The following QRSL1 variants were observed in gnomAD, a reference collection of about 807,000 sequenced individuals.
QRSL1 encodes the protein glutamyl-tRNA(Gln) amidotransferase subunit A, mitochondrial.
A neutral mutation model predicts 61.6 loss-of-function variants in QRSL1; 54 were observed. The observed-to-expected ratio is 0.88, with a 90% CI of 0.70 to 1.10. QRSL1 has a LOEUF of 1.10. Among genes scored for constraint, QRSL1 ranks in the 50% least tolerant of loss-of-function variants. QRSL1 has a pLI of 0.00. For synonymous variants in QRSL1, 228 were observed against 225.7 expected (o/e 1.01, Z -0.09); for missense variants, 505 against 622.6 (o/e 0.81, Z 2.01).
At chr6:106,662,231 T>TGA (rs1777368610) in intron 9 of QRSL1, among the ~76,000 whole-genome samples, 3 of 152,326 alleles carry the variant, frequency 2.0e-5, no homozygotes, top group Non-Finnish European at 4.4e-5. Context: ...GCTGTCTATC[T>TGA]TAGTAACCTT....
chr6:106,653,043 A>G, intron 7 of QRSL1: 1 of 255,352 alleles, frequency 3.9e-6, no homozygotes, highest in Non-Finnish European at 7.4e-6. Context: ...ATGTAAAGAA[A>G]GGACTTTAGC....
Position 106,640,381 on chromosome 6 carries a change from A to C in QRSL1, c.57A>C (p.Thr19=). The change falls in exon 2 of 11, where the codon ACA becomes ACC. Residue 19 remains threonine, a synonymous_variant. Coordinates refer to ENST00000369046, the MANE Select transcript of QRSL1 (RefSeq NM_018292.5). Reference sequence around the variant, plus strand: ...CGGCACTGAAACAAGGCCAAATTACACCAACAGAGCTCTGTCAAAAATGTC... The same window carrying C: ...CGGCACTGAAACAAGGCCAAATTACCCCAACAGAGCTCTGTCAAAAATGTC... ...VSAALKQGQI[T]PTELCQKCLS... The C allele has an allele frequency of 6.2e-7, 1 of 1,613,356 alleles. No homozygotes were observed. The highest frequency in any genetic ancestry group is 8.5e-7 in the Non-Finnish European group (1 of 1,179,516).
At chr6:106,652,895 T>C in intron 7 of QRSL1, 1 of 721,744 alleles carries the variant, frequency 1.4e-6, no homozygotes, top group Non-Finnish European at 2.2e-6. Context: ...CATAACTGCT[T>C]AACTGCCATT....
intron 4 of QRSL1, among the ~76,000 whole-genome samples, chr6:106,645,896 A>G (rs886708147): frequency 1.3e-5 from 2 of 152,156 alleles, no homozygotes; most frequent in African/African-American, 2.4e-5. Context: ...TATGTAGCAA[A>G]TTGTGTAGTC....
intron 10 of QRSL1, among the ~76,000 whole-genome samples, chr6:106,665,538 T>G (rs1341893498): frequency 6.6e-6 from 1 of 152,228 alleles, no homozygotes; most frequent in African/African-American, 2.4e-5. Flanking sequence ...TAAAACCAAG[T>G]AATGGAGTAC....
intron 1 of QRSL1, among the ~76,000 whole-genome samples, chr6:106,638,844 A>G (rs75967240): frequency 0.077 from 11,742 of 152,202 alleles, 540 homozygotes; most frequent in East Asian, 0.11. Flanking sequence ...TGATTTACTC[A>G]GTAGCTAAGA....
chr6:106,663,046 T>C lies in QRSL1; in HGVS notation c.1227T>C (p.Asn409=). Residue 409 remains asparagine (N), a synonymous_variant, in exon 10 of 11, where the codon AAT becomes AAC. Coordinates refer to ENST00000369046, the MANE Select transcript of QRSL1 (RefSeq NM_018292.5). ...GCCTCATTGCTAATGACTTTGTAAA[T>C]GCTTTTAACTCTGGAGTAGATGTCT... The part of the protein sequence containing the change: ...VRRLIANDFV[N]AFNSGVDVLL... 6.2e-7 allele frequency: 1 copy of C among 1,612,998 alleles called. No homozygotes were observed. The highest frequency in any genetic ancestry group is 8.5e-7 in the Non-Finnish European group (1 of 1,178,916).
intron 10 of QRSL1, among the ~76,000 whole-genome samples, chr6:106,664,023 A>G (rs1449380867): frequency 2.0e-5 from 3 of 152,156 alleles, no homozygotes; most frequent in African/African-American, 7.2e-5. Context: ...CTTCACCCCT[A>G]AATTCTTTTG....
At chr6:106,630,277 C>A (rs1401753216) in intron 1 of QRSL1, among the ~76,000 whole-genome samples, 1 of 152,156 alleles carries the variant, frequency 6.6e-6, no homozygotes, top group Non-Finnish European at 1.5e-5. Flanking sequence ...CATAAGCACC[C>A]TCAAATTCAC....
rs1777280456 is a variant in QRSL1, at chr6:106,656,914, C to T, written c.1160+1182C>T. 1.3e-5 allele frequency among the ~76,000 whole-genome samples: 2 copies of T among 152,196 alleles called. 1 individual carries two copies. The highest frequency in any genetic ancestry group is 2.9e-5 in the Non-Finnish European group (2 of 68,042). On this transcript the variant is annotated intron_variant, in intron 9 of 10. Coordinates refer to ENST00000369046, the MANE Select transcript of QRSL1 (RefSeq NM_018292.5). ...TCGAGCAATCCACCCATCTCAACCT[C>T]CAAAGTGCAGGTGTTACAGGCATGA...
Position 106,667,332 on chromosome 6 carries a change from A to T in QRSL1, c.*1330A>T, listed in dbSNP as rs1466153784. 1 of 152,166 alleles carries T rather than the reference A, an allele frequency of 6.6e-6. No individual in the cohort carries two copies. Among genetic ancestry groups the T allele is most frequent in the Non-Finnish European group, 1.5e-5 (1 of 68,046 alleles). 9.4% of individuals were successfully genotyped at this position (152,166 alleles called of 1,614,324 possible). A position where few individuals can be genotyped will look rare whatever the true frequency, so the allele number is the denominator to read the frequency against. On this transcript the variant is annotated 3_prime_UTR_variant, in exon 11 of 11. Coordinates refer to ENST00000369046, the MANE Select transcript of QRSL1 (RefSeq NM_018292.5). ...TTATTTGGGACCCTCGAGCCCAGAG[A>T]TATTAATGGATATCTGTATTCAATA...
At chr6:106,657,195 G>C (rs1331308224) in intron 9 of QRSL1, among the ~76,000 whole-genome samples, 1 of 152,054 alleles carries the variant, frequency 6.6e-6, no homozygotes, top group East Asian at 1.9e-4. Context: ...CTTGAACCCG[G>C]GAGGCAGAGG....
chr6:106,648,590 T>G (rs1043569602), intron 4 of QRSL1, among the ~76,000 whole-genome samples: 1 of 152,210 alleles, frequency 6.6e-6, no homozygotes, highest in Non-Finnish European at 1.5e-5. Context: ...TTATATGTTA[T>G]TTTTATTTTT....
chr6:106,633,074 C>T (rs540038341), intron 1 of QRSL1, among the ~76,000 whole-genome samples: 1 of 152,280 alleles, frequency 6.6e-6, no homozygotes, highest in Non-Finnish European at 1.5e-5. Context: ...CAACTTTTGC[C>T]GCATGGGGGG....
rs180721448 is a variant in QRSL1, at chr6:106,635,617, A to G, written c.25-4732A>G. On this transcript the variant is annotated intron_variant, in intron 1 of 10. Coordinates refer to ENST00000369046, the MANE Select transcript of QRSL1 (RefSeq NM_018292.5). ...TGGCTAGGCACAGTGGCTCTCGCCT[A>G]TAATCCCAGCATTTTGGAAGGCTGA... 3.3e-3 allele frequency among the ~76,000 whole-genome samples: 510 copies of G among 152,268 alleles called. 5 individuals carry two copies. The highest frequency in any genetic ancestry group is 0.012 in the African/African-American group (478 of 41,552).
intron 7 of QRSL1, 62 bp downstream of exon 7, chr6:106,652,644 T>A: frequency 6.2e-7 from 1 of 1,606,120 alleles, no homozygotes; most frequent in Non-Finnish European, 8.5e-7. Context: ...AGCACAGACT[T>A]GGGAGGCGGA....
chr6:106,658,643 CTG>C (rs1777308610), intron 9 of QRSL1, among the ~76,000 whole-genome samples: 1 of 151,748 alleles, frequency 6.6e-6, no homozygotes, highest in African/African-American at 2.4e-5. Context: ...TCTGAGAAGT[CTG>C]TTGTCATTCT....
chr6:106,641,483 T>A (rs1777019074), intron 3 of QRSL1, among the ~76,000 whole-genome samples: 1 of 152,218 alleles, frequency 6.6e-6, no homozygotes, highest in African/African-American at 2.4e-5. Context: ...TGTAGCACAG[T>A]ATGGCAATGC....
rs1777260140 is a variant in QRSL1, at chr6:106,655,786, T to C, written c.1160+54T>C. ...CATTCTTGAAACCTCAAGTAACATG[T>C]CTCTTATCAGGTCTTATAAGTCAAG... On this transcript the variant is annotated intron_variant, in intron 9 of 10. Transcript: ENST00000369046. 5 of 1,090,134 alleles carry C rather than the reference T, an allele frequency of 4.6e-6. No homozygotes were observed. In the Admixed American group the frequency reaches 5.2e-5, roughly 11 times the overall value. The allele number at this position is 1,090,134 out of a possible 1,614,324, so 67.5% of individuals were successfully genotyped here. A position where few individuals can be genotyped will look rare whatever the true frequency, so the allele number is the denominator to read the frequency against.
Sources: gnomAD v4.1 joint callset for allele counts (sites outside exome capture counted in the v4.1 genomes callset) on GRCh38, gnomAD v4.1.1 for gene constraint, MANE v1.5 for transcripts, NCBI Gene and HGNC (gene_info 2026-07-23, HGNC 2026-07-21) for gene names.